The following PCDH15 variants were observed in gnomAD, a reference collection of about 807,000 sequenced individuals.
PCDH15 encodes protocadherin related 15.
PCDH15 carries 129 observed loss-of-function variants against 178.5 expected under a neutral mutation model. The observed-to-expected ratio is 0.72, with a 90% CI of 0.63 to 0.84. The LOEUF is 0.84. Among genes scored for constraint, PCDH15 ranks in the 40% least tolerant of loss-of-function variants. The pLI is 0.00. For missense variants in PCDH15, 2,230 were observed against 2,099.9 expected (o/e 1.06, Z -1.21); for synonymous variants, 800 against 732.0 (o/e 1.09, Z -1.50).
At chr10:55,531,481 G>T (rs1841453347) in intron 2 of PCDH15, among the ~76,000 whole-genome samples, 1 of 151,900 alleles carries the variant, frequency 6.6e-6, no homozygotes, top group South Asian at 2.1e-4. Flanking sequence ...AAATAAATAA[G>T]AATCTCTGGA....
chr10:55,554,951 T>C (rs1045317289), intron 2 of PCDH15, among the ~76,000 whole-genome samples: 30 of 152,064 alleles, frequency 2.0e-4, no homozygotes, highest in African/African-American at 7.0e-4. Context: ...ATTTGTCTCA[T>C]GTTTTACCCC....
chr10:55,146,838 G>A (rs1008825421), intron 2 of PCDH15, among the ~76,000 whole-genome samples: 1 of 132,190 alleles, frequency 7.6e-6, no homozygotes, highest in Non-Finnish European at 1.6e-5. Context: ...AAGACCAAGT[G>A]TGCATATGTA....
chr10:55,526,578 G>A (rs1011435740), intron 2 of PCDH15, among the ~76,000 whole-genome samples: 5 of 151,930 alleles, frequency 3.3e-5, no homozygotes, highest in African/African-American at 4.8e-5. Flanking sequence ...TGTTATACAT[G>A]AGTGCTTTCC....
intron 3 of PCDH15, among the ~76,000 whole-genome samples, chr10:54,513,527 C>T (rs896861287): frequency 6.6e-6 from 1 of 152,022 alleles, no homozygotes; most frequent in African/African-American, 2.4e-5. Flanking sequence ...TCAAAAACAT[C>T]TTATTGAACA....
intron 8 of PCDH15, among the ~76,000 whole-genome samples, chr10:54,284,925 C>A (rs2058941677): frequency 6.6e-6 from 1 of 151,988 alleles, no homozygotes; most frequent in Admixed American, 6.6e-5. Context: ...AGTCCAAAAG[C>A]CCAAAGACTA....
At chr10:54,505,562 C>T (rs1360212395) in intron 3 of PCDH15, among the ~76,000 whole-genome samples, 6 of 151,842 alleles carry the variant, frequency 4.0e-5, no homozygotes, top group Non-Finnish European at 7.4e-5. Context: ...AACCAAACAC[C>T]GCATGTTCTC....
At chr10:55,525,815 C>T (rs141042560) in intron 2 of PCDH15, among the ~76,000 whole-genome samples, 3 of 151,956 alleles carry the variant, frequency 2.0e-5, no homozygotes, top group African/African-American at 2.4e-5. Context: ...TTTTACTATT[C>T]ATCACTGCAG....
At chr10:55,246,209 A>G (rs1841673929) in intron 1 of PCDH15, among the ~76,000 whole-genome samples, 1 of 152,200 alleles carries the variant, frequency 6.6e-6, no homozygotes, top group Admixed American at 6.5e-5. Context: ...CTATGAATAA[A>G]TATCAAGCTA....
At chr10:54,600,494 T>G (rs2092471959) in intron 2 of PCDH15, 8 of 576,794 alleles carry the variant, frequency 1.4e-5, no homozygotes, top group Middle Eastern at 7.0e-4. Context: ...AAAGTGGTGG[T>G]GACCAAAATA....
At chr10:54,298,543 G>T (rs1339391151) in intron 8 of PCDH15, among the ~76,000 whole-genome samples, 2 of 152,202 alleles carry the variant, frequency 1.3e-5, no homozygotes, top group Non-Finnish European at 1.5e-5. Context: ...TGTCCAATGA[G>T]AAACAAGCTG....
intron 2 of PCDH15, among the ~76,000 whole-genome samples, chr10:55,604,881 G>C: frequency 6.9e-6 from 1 of 145,752 alleles, no homozygotes; most frequent in Admixed American, 6.9e-5. Context: ...CAGAAGGCAA[G>C]AAATAACTAA....
At chr10:54,655,104 GGGAGCCCGAGGCAGGAGAATGGCGT>G (rs1388196487) in intron 2 of PCDH15, 1 of 152,446 alleles carries the variant, frequency 6.6e-6, no homozygotes, top group Non-Finnish European at 1.5e-5. Context: ...CTAGCTACTC[GGGAGCCCGAGGCAGGAGAATGGCGT>G]GAACCAGGGA....
chr10:55,102,488 C>T (rs953988313), intron 2 of PCDH15, among the ~76,000 whole-genome samples: 2 of 151,978 alleles, frequency 1.3e-5, no homozygotes, highest in Admixed American at 6.6e-5. Context: ...GATGGAATAA[C>T]AGCAATAACT....
chr10:54,432,383 A>G (rs1957071192), intron 3 of PCDH15, among the ~76,000 whole-genome samples: 1 of 152,188 alleles, frequency 6.6e-6, no homozygotes, highest in Non-Finnish European at 1.5e-5. Flanking sequence ...AAACAGACAC[A>G]TGGACTAATG....
rs531544197 is a variant in PCDH15 at position 54,595,171 on chromosome 10, C to T, written c.92-67294G>A. ...TGTGGACACATCCCACTACGACTGT[C>T]CTACAAAATGCTTTGGCTGGGAGTA... On this transcript the variant is annotated intron_variant, in intron 2 of 37. Transcript: ENST00000644397. Among the ~76,000 whole-genome samples, 246 of 152,312 alleles carry T rather than the reference C, an allele frequency of 1.6e-3. 5 individuals are homozygous for T. The highest frequency in any genetic ancestry group is 5.6e-4 in the Non-Finnish European group (38 of 68,028).
At chr10:54,059,940 A>C (rs1911382) in intron 18 of PCDH15, among the ~76,000 whole-genome samples, 93,973 of 152,086 alleles carry the variant, frequency 0.62, 29,364 homozygotes, top group Middle Eastern at 0.76. Context: ...TAGAGCTGTC[A>C]GTCTATCCAA....
At chr10:55,192,710 T>C (rs558534434) in intron 1 of PCDH15, among the ~76,000 whole-genome samples, 14 of 151,088 alleles carry the variant, frequency 9.3e-5, no homozygotes, top group African/African-American at 2.4e-4. Context: ...CTGAGTTTCA[T>C]AGATGAAAGA....
chr10:54,380,333 C>T (rs1488482434), intron 3 of PCDH15, among the ~76,000 whole-genome samples: 1 of 151,666 alleles, frequency 6.6e-6, no homozygotes, highest in Non-Finnish European at 1.5e-5. Context: ...GGCAAATACA[C>T]AACCTACATA....
chr10:55,458,823 A>C (rs1295994279), intron 2 of PCDH15, among the ~76,000 whole-genome samples: 1 of 152,068 alleles, frequency 6.6e-6, no homozygotes, highest in African/African-American at 2.4e-5. Context: ...ACAATGTGCT[A>C]TGTTTTGTAG....
Sources: gnomAD v4.1 joint callset for allele counts (sites outside exome capture counted in the v4.1 genomes callset) on GRCh38, gnomAD v4.1.1 for gene constraint, MANE v1.5 for transcripts, NCBI Gene and HGNC (gene_info 2026-07-23, HGNC 2026-07-21) for gene names.